CRADD: variants seen among roughly 807,000 people sequenced by gnomAD.
CRADD encodes the protein CARD and death domain containing adaptor protein, also known as death domain-containing protein CRADD.
A neutral mutation model predicts 15.5 loss-of-function variants in CRADD; 9 were observed. The observed-to-expected ratio is 0.58, with a 90% CI of 0.35 to 1.01. The LOEUF is 1.01. Ranked by LOEUF, CRADD falls within the 50% of genes least tolerant of loss-of-function variation. CRADD has a pLI of 0.02. For missense variants in CRADD, 227 were observed against 250.3 expected (o/e 0.91, Z 0.63); for synonymous variants, 118 against 107.6 (o/e 1.10, Z -0.60).
intron 2 of CRADD, among the ~76,000 whole-genome samples, chr12:93,739,049 TA>T (rs1956629317): frequency 6.6e-6 from 1 of 152,194 alleles, no homozygotes; most frequent in Non-Finnish European, 1.5e-5. Context: ...TTTATTTGTT[TA>T]TTTTTTTTCC....
intron 2 of CRADD, among the ~76,000 whole-genome samples, chr12:93,773,458 A>G (rs1417012840): frequency 1.3e-5 from 2 of 152,138 alleles, no homozygotes; most frequent in East Asian, 3.9e-4. Flanking sequence ...TTCTGCCATG[A>G]TTGTGAAGCC....
At chr12:93,892,743 G>A (rs866261132) in intron 2 of CRADD, among the ~76,000 whole-genome samples, 2 of 151,956 alleles carry the variant, frequency 1.3e-5, no homozygotes, top group Admixed American at 1.3e-4. Context: ...GGATCATTCG[G>A]GAATAAACTT....
chr12:93,859,200 T>G, intron 2 of CRADD: 1 of 415,998 alleles, frequency 2.4e-6, no homozygotes, highest in Non-Finnish European at 4.8e-6. Context: ...ATTTATATTT[T>G]TAGGGTTAAT....
intron 2 of CRADD, among the ~76,000 whole-genome samples, chr12:93,780,276 A>G (rs1463126660): frequency 2.6e-5 from 4 of 152,254 alleles, no homozygotes; most frequent in African/African-American, 7.2e-5. Context: ...TGAAGCATGC[A>G]CGATAGATAA....
rs1956038129 is a variant in CRADD at position 93,710,287 on chromosome 12, C to T, written c.298+31215C>T. On this transcript the variant is annotated intron_variant, in intron 2 of 2. Transcript: ENST00000332896. ...GGTATCTAGACCAGCCACCTTACAGCATGGTGGCTGGGTTCCAAGTGTGAG... is the reference window on the plus strand; with the variant it reads ...GGTATCTAGACCAGCCACCTTACAGTATGGTGGCTGGGTTCCAAGTGTGAG... Among the ~76,000 whole-genome samples the T allele has an allele frequency of 2.0e-5, 3 of 151,610 alleles. No homozygotes were observed. The South Asian group carries it at 6.3e-4, about 32-fold the overall frequency.
At chr12:93,684,490 A>G (rs923520751) in intron 2 of CRADD, among the ~76,000 whole-genome samples, 1 of 152,160 alleles carries the variant, frequency 6.6e-6, no homozygotes, top group African/African-American at 2.4e-5. Flanking sequence ...CTGCTCTGCG[A>G]TCCGGTTCCT....
chr12:93,752,926 A>T (rs143442410), intron 2 of CRADD, among the ~76,000 whole-genome samples: 2,000 of 152,288 alleles, frequency 0.013, 44 homozygotes, highest in African/African-American at 0.045. Flanking sequence ...CAGACAAGAG[A>T]AGAGAGCTTG....
chr12:93,727,461 C>G (rs1477243399), intron 2 of CRADD, among the ~76,000 whole-genome samples: 1 of 152,186 alleles, frequency 6.6e-6, no homozygotes, highest in Non-Finnish European at 1.5e-5. Flanking sequence ...CACAGCAGAT[C>G]AGCTTTCACT....
chr12:93,786,946 G>T (rs557783740), intron 2 of CRADD, among the ~76,000 whole-genome samples: 3 of 152,080 alleles, frequency 2.0e-5, no homozygotes, highest in Non-Finnish European at 4.4e-5. Flanking sequence ...AAACATAATG[G>T]AATTGTTGCC....
At chr12:93,732,604 T>C (rs1439325105) in intron 2 of CRADD, among the ~76,000 whole-genome samples, 1 of 152,230 alleles carries the variant, frequency 6.6e-6, no homozygotes, top group Non-Finnish European at 1.5e-5. Context: ...ACTGATGATA[T>C]TTGAATAGTG....
At chr12:93,702,629 C>T (rs866645608) in intron 2 of CRADD, among the ~76,000 whole-genome samples, 3 of 151,414 alleles carry the variant, frequency 2.0e-5, no homozygotes, top group South Asian at 2.1e-4. Context: ...TCTTGTAAGA[C>T]GGAAACAATT....
intron 2 of CRADD, among the ~76,000 whole-genome samples, chr12:93,856,260 A>T (rs1958274235): frequency 6.6e-6 from 1 of 152,264 alleles, no homozygotes; most frequent in African/African-American, 2.4e-5. Flanking sequence ...ACTGTGGCAC[A>T]CTTCAGAGCA....
chr12:93,690,219 C>T (rs1218505767), intron 2 of CRADD, among the ~76,000 whole-genome samples: 2 of 152,138 alleles, frequency 1.3e-5, no homozygotes, highest in Non-Finnish European at 2.9e-5. Flanking sequence ...CTCTAGGACA[C>T]CAGAATCACC....
intron 2 of CRADD, among the ~76,000 whole-genome samples, chr12:93,884,904 G>A (rs1958525608): frequency 6.6e-6 from 1 of 152,188 alleles, no homozygotes; most frequent in African/African-American, 2.4e-5. Flanking sequence ...GAGTGGGAGA[G>A]AAGGAGAACC....
intron 2 of CRADD, among the ~76,000 whole-genome samples, chr12:93,840,140 G>A (rs1850101957): frequency 6.6e-6 from 1 of 152,056 alleles, no homozygotes; most frequent in African/African-American, 2.4e-5. Context: ...CCCCATTATG[G>A]AATTTTAATT....
intron 2 of CRADD, among the ~76,000 whole-genome samples, chr12:93,871,947 C>T (rs1958424279): frequency 6.6e-6 from 1 of 152,136 alleles, no homozygotes; most frequent in Non-Finnish European, 1.5e-5. Context: ...ATTGATGGAT[C>T]ATATGGTAGC....
At chr12:93,796,095 T>A (rs1422388404) in intron 2 of CRADD, among the ~76,000 whole-genome samples, 3 of 152,210 alleles carry the variant, frequency 2.0e-5, no homozygotes, top group African/African-American at 7.2e-5. Flanking sequence ...CTATGTCTAT[T>A]TTATCAAGTA....
intron 2 of CRADD, among the ~76,000 whole-genome samples, chr12:93,746,862 A>G (rs1956761151): frequency 6.6e-6 from 1 of 151,706 alleles, no homozygotes; most frequent in African/African-American, 2.4e-5. Context: ...CTGGAGCAGG[A>G]TCCTATAATC....
At chr12:93,680,978 G>A (rs1469162833) in intron 2 of CRADD, among the ~76,000 whole-genome samples, 2 of 151,808 alleles carry the variant, frequency 1.3e-5, no homozygotes, top group East Asian at 1.9e-4. Context: ...TCTGCCTCCC[G>A]GGTTTAAGCA....
Sources: gnomAD v4.1 joint callset for allele counts (sites outside exome capture counted in the v4.1 genomes callset) on GRCh38, gnomAD v4.1.1 for gene constraint, MANE v1.5 for transcripts, NCBI Gene and HGNC (gene_info 2026-07-23, HGNC 2026-07-21) for gene names.